PCDH7: variants seen among roughly 807,000 people sequenced by gnomAD.
PCDH7 encodes the protein protocadherin 7.
In PCDH7, 17 loss-of-function variants were observed where a neutral mutation model predicts 58.9. The ratio of observed to expected loss-of-function variants is 0.29; its 90% confidence interval spans 0.20 to 0.43. PCDH7 has a LOEUF of 0.43. Among genes scored for constraint, PCDH7 ranks in the 20% least tolerant of loss-of-function variants. PCDH7 has a pLI of 1.00. For synonymous variants in PCDH7, 664 were observed against 616.4 expected (o/e 1.08, Z -1.14); for missense variants, 1,274 against 1,441.0 (o/e 0.88, Z 1.88).
intron 1 of PCDH7, among the ~76,000 whole-genome samples, chr4:30,843,528 G>A (rs1038940473): frequency 6.6e-6 from 1 of 152,118 alleles, no homozygotes; most frequent in African/African-American, 2.4e-5. Flanking sequence ...TAGACATAAT[G>A]TTTCCAGTTG....
intron 1 of PCDH7, among the ~76,000 whole-genome samples, chr4:30,895,215 T>C (rs1268086629): frequency 1.3e-5 from 2 of 151,908 alleles, no homozygotes; most frequent in East Asian, 3.9e-4. Context: ...CAAAATCTAG[T>C]GTGCTGGAAA....
At chr4:31,100,530 G>C (rs539798719) in intron 3 of PCDH7, among the ~76,000 whole-genome samples, 3 of 152,168 alleles carry the variant, frequency 2.0e-5, no homozygotes, top group South Asian at 2.1e-4. Context: ...CTTTTCTTGC[G>C]TGGTAAGCAT....
chr4:31,049,753 A>C (rs1756588837), intron 3 of PCDH7, among the ~76,000 whole-genome samples: 2 of 152,054 alleles, frequency 1.3e-5, no homozygotes, highest in South Asian at 4.1e-4. Context: ...TCTGTGATTA[A>C]AATATAGTAC....
rs569922164 is a variant in PCDH7, at chr4:30,962,785, A to C, written c.*7+12570A>C. Among the ~76,000 whole-genome samples, 158 of 150,396 alleles carry C rather than the reference A, an allele frequency of 1.1e-3. 3 individuals are homozygous for C. The East Asian group carries it at 0.015, about 14-fold the overall frequency. On this transcript the variant is annotated intron_variant, in intron 3 of 3. Transcript: ENST00000509759. ...GAATGAGACCCAGTCTTAAAAAAAA[A>C]AAAAAAAAAAAAAAAAAAAACAGTG...
At chr4:30,955,145 A>G (rs756513350) in intron 3 of PCDH7, among the ~76,000 whole-genome samples, 39 of 152,216 alleles carry the variant, frequency 2.6e-4, no homozygotes, top group Admixed American at 2.6e-4. Context: ...GTATACACAG[A>G]TGATTCTTGT....
chr4:30,822,481 G>C (rs1315752424), intron 1 of PCDH7, among the ~76,000 whole-genome samples: 1 of 152,000 alleles, frequency 6.6e-6, no homozygotes, highest in African/African-American at 2.4e-5. Flanking sequence ...TTTGGTTTGT[G>C]TTATTATTTT....
intron 3 of PCDH7, among the ~76,000 whole-genome samples, chr4:31,124,945 G>A (rs1201493126): frequency 6.6e-6 from 1 of 152,092 alleles, no homozygotes; most frequent in Non-Finnish European, 1.5e-5. Context: ...TCTTAGTTTG[G>A]CCCAGCATGC....
intron 1 of PCDH7, among the ~76,000 whole-genome samples, chr4:30,845,119 G>T (rs1731742339): frequency 6.6e-6 from 1 of 152,090 alleles, no homozygotes; most frequent in African/African-American, 2.4e-5. Flanking sequence ...GAGCAGTAAT[G>T]GTGAATTATG....
At chr4:30,725,500 G>A (rs966849069) in intron 1 of PCDH7, among the ~76,000 whole-genome samples, 7 of 152,006 alleles carry the variant, frequency 4.6e-5, no homozygotes, top group African/African-American at 1.7e-4. Context: ...ATTCTGAGGC[G>A]GAACTTAAGC....
chr4:30,968,376 C>CACTATA, intron 3 of PCDH7, among the ~76,000 whole-genome samples: 1 of 67,056 alleles, frequency 1.5e-5, no homozygotes, highest in South Asian at 5.1e-4. Flanking sequence ...TATACACACA[C>CACTATA]TATATATATA....
chr4:30,985,549 T>G (rs556659739), intron 3 of PCDH7, among the ~76,000 whole-genome samples: 3 of 152,324 alleles, frequency 2.0e-5, no homozygotes, highest in African/African-American at 4.8e-5. Flanking sequence ...TTGGACAATT[T>G]ATTTAATCTT....
At position 30,728,290 on chromosome 4, in the gene PCDH7, TATATATAG is replaced by T. The variant is rs765275573; in HGVS notation, c.3175-2461_3175-2454del. Reference sequence around the variant, plus strand: ...ATACATACATATGTATATATATATATATATATAGAGAGAGAGAGAGAGAGAGAGAGAGC... The same window carrying T: ...ATACATACATATGTATATATATATATAGAGAGAGAGAGAGAGAGAGAGAGC... On this transcript the variant is annotated intron_variant, in intron 1 of 1. Coordinates refer to ENST00000361762, the Ensembl canonical transcript of PCDH7. Among the ~76,000 whole-genome samples, 451 of 93,752 alleles carry T rather than the reference TATATATAG, an allele frequency of 4.8e-3. 1 individual carries two copies. The highest frequency in any genetic ancestry group is 0.016 in the African/African-American group (412 of 25,996). The allele number at this position is 93,752 out of a possible 152,430, so 61.5% of individuals were successfully genotyped here.
At position 31,136,491 on chromosome 4, in the gene PCDH7, A is replaced by G. The variant is rs183087935; in HGVS notation, c.*8-5982A>G. Among the ~76,000 whole-genome samples, 216 of 152,324 alleles carry G rather than the reference A, an allele frequency of 1.4e-3. 1 individual carries two copies. The highest frequency in any genetic ancestry group is 5.0e-3 in the African/African-American group (206 of 41,584). On this transcript the variant is annotated intron_variant, in intron 3 of 3. Transcript: ENST00000509759. Reference sequence around the variant, plus strand: ...CCAGGAATGGTACAGATGATGCCACAGCAAGGATTGATTGATTAGCCAGTG... The same window carrying G: ...CCAGGAATGGTACAGATGATGCCACGGCAAGGATTGATTGATTAGCCAGTG...
At chr4:30,943,229 TCAC>T (rs1183713362) in intron 2 of PCDH7, among the ~76,000 whole-genome samples, 1 of 152,086 alleles carries the variant, frequency 6.6e-6, no homozygotes, top group East Asian at 1.9e-4. Flanking sequence ...AGTCCTCTCT[TCAC>T]CACCTCACTG....
chr4:30,976,602 T>C (rs2109480197), intron 3 of PCDH7, among the ~76,000 whole-genome samples: 1 of 151,892 alleles, frequency 6.6e-6, no homozygotes, highest in South Asian at 2.1e-4. Flanking sequence ...GGTTTCACCA[T>C]GTTGACCAGG....
chr4:30,740,620 A>AT (rs1716937748), intron 1 of PCDH7, among the ~76,000 whole-genome samples: 1 of 151,920 alleles, frequency 6.6e-6, no homozygotes, highest in African/African-American at 2.4e-5. Context: ...TTTGACTAGG[A>AT]TTTTTTTAAA....
intron 3 of PCDH7, among the ~76,000 whole-genome samples, chr4:31,012,240 A>T (rs889904916): frequency 1.3e-5 from 2 of 152,184 alleles, no homozygotes; most frequent in African/African-American, 2.4e-5. Context: ...ACACCGAAAC[A>T]AACCAACAAA....
At chr4:30,787,819 C>T in intron 1 of PCDH7, among the ~76,000 whole-genome samples, 1 of 152,006 alleles carries the variant, frequency 6.6e-6, no homozygotes, top group East Asian at 1.9e-4. Flanking sequence ...TAATGATTAG[C>T]ATTTGCACTT....
At chr4:30,958,091 G>A (rs908109027) in intron 3 of PCDH7, among the ~76,000 whole-genome samples, 2 of 152,084 alleles carry the variant, frequency 1.3e-5, no homozygotes, top group African/African-American at 4.8e-5. Context: ...ATCAAAACTA[G>A]GCAGAACAAA....
Sources: allele counts gnomAD v4.1 joint callset (sites outside exome capture counted in the v4.1 genomes callset), GRCh38; gene constraint gnomAD v4.1.1; transcripts MANE v1.5; gene names NCBI Gene and HGNC (gene_info 2026-07-23, HGNC 2026-07-21).